KPNA3: variants seen among roughly 807,000 people sequenced by gnomAD.
KPNA3 encodes importin subunit alpha-4.
In KPNA3, 13 loss-of-function variants were observed where a neutral mutation model predicts 73.8. The observed-to-expected ratio is 0.18, with a 90% CI of 0.11 to 0.28. KPNA3 has a LOEUF of 0.28. Among genes scored for constraint, KPNA3 ranks in the 10% least tolerant of loss-of-function variants. The pLI, the probability that KPNA3 is intolerant of heterozygous loss-of-function variation, is 1.00. For synonymous variants in KPNA3, 186 were observed against 206.9 expected, an observed-to-expected ratio of 0.90 and a Z score of 0.87; for missense variants, 360 against 618.1, an observed-to-expected ratio of 0.58 and a Z score of 4.43.
chr13:49,732,174 C>T (rs1325806113), intron 6 of KPNA3, among the ~76,000 whole-genome samples, 197 bp downstream of exon 6: 2 of 152,078 alleles, frequency 1.3e-5, no homozygotes, highest in Admixed American at 6.5e-5. Flanking sequence ...AGAAAACATA[C>T]ACATCCTTCA....
At chr13:49,742,674 T>C (rs1293327841) in intron 2 of KPNA3, among the ~76,000 whole-genome samples, 1 of 152,138 alleles carries the variant, frequency 6.6e-6, no homozygotes, top group Non-Finnish European at 1.5e-5. Context: ...GAGATTGCAC[T>C]GAATCTGTAC....
At chr13:49,741,672 T>G (rs1566347007) in intron 2 of KPNA3, among the ~76,000 whole-genome samples, 1 of 152,208 alleles carries the variant, frequency 6.6e-6, no homozygotes, top group African/African-American at 2.4e-5. Flanking sequence ...CCCAGGATGG[T>G]CTTGATTTCC....
At chr13:49,759,377 T>C (rs753814823) in intron 1 of KPNA3, among the ~76,000 whole-genome samples, 1 of 152,206 alleles carries the variant, frequency 6.6e-6, no homozygotes, top group Non-Finnish European at 1.5e-5. Flanking sequence ...CAGGGACTAG[T>C]TTCACAGAAG....
At chr13:49,765,144 T>C (rs1483990215) in intron 1 of KPNA3, among the ~76,000 whole-genome samples, 1 of 152,184 alleles carries the variant, frequency 6.6e-6, no homozygotes, top group African/African-American at 2.4e-5. Flanking sequence ...ATGGCTTCAA[T>C]TATCAATTAA....
intron 1 of KPNA3, among the ~76,000 whole-genome samples, chr13:49,774,622 C>A (rs1298573630): frequency 6.6e-6 from 1 of 152,032 alleles, no homozygotes; most frequent in African/African-American, 2.4e-5. Flanking sequence ...TACTATGTTA[C>A]CAAAACAAAA....
intron 1 of KPNA3, among the ~76,000 whole-genome samples, chr13:49,779,081 C>A (rs1353063624): frequency 6.7e-6 from 1 of 150,078 alleles, no homozygotes; most frequent in African/African-American, 2.5e-5. Flanking sequence ...TAAATTCCAA[C>A]GTTCCTGCTA....
intron 10 of KPNA3, among the ~76,000 whole-genome samples, chr13:49,719,278 T>C (rs562575482): frequency 6.6e-6 from 1 of 152,168 alleles, no homozygotes; most frequent in African/African-American, 2.4e-5. Context: ...AAAGGCAGCA[T>C]GGTTTTGTGA....
chr13:49,767,015 ATAATTT>A (rs1954813780), intron 1 of KPNA3, among the ~76,000 whole-genome samples: 2 of 50,394 alleles, frequency 4.0e-5, no homozygotes, highest in African/African-American at 1.6e-4. Flanking sequence ...TTTTTTTTTT[ATAATTT>A]TAAGTTCTGA....
Position 49,701,655 on chromosome 13 carries a change from G to A in KPNA3, c.*145C>T. 1 of 768,020 alleles carries A rather than the reference G, an allele frequency of 1.3e-6. No homozygotes were observed. Among genetic ancestry groups the A allele is most frequent in the South Asian group, 1.4e-5 (1 of 72,864 alleles). The allele number at this position is 768,020 out of a possible 1,614,324, so 47.6% of individuals were successfully genotyped here. On this transcript the variant is annotated 3_prime_UTR_variant, in exon 17 of 17. Coordinates refer to ENST00000261667, the MANE Select transcript of KPNA3 (RefSeq NM_002267.4). ...TAGTGACTTTTGGCAACTGCAAAGT[G>A]ACTGAGACATGGCTTGCTTTAGAAG...
intron 1 of KPNA3, among the ~76,000 whole-genome samples, chr13:49,747,794 T>C (rs560918948): frequency 1.3e-5 from 2 of 152,356 alleles, no homozygotes; most frequent in East Asian, 3.9e-4. Flanking sequence ...ATTTACTGGA[T>C]ATCTGTTGGT....
chr13:49,706,890 A>T (rs1333632696), intron 12 of KPNA3, among the ~76,000 whole-genome samples: 1 of 151,994 alleles, frequency 6.6e-6, no homozygotes, highest in East Asian at 1.9e-4. Context: ...CTGGGACTAC[A>T]GGCACCTGTC....
intron 1 of KPNA3, among the ~76,000 whole-genome samples, chr13:49,789,227 C>T (rs1475330637): frequency 1.3e-5 from 2 of 152,202 alleles, no homozygotes. Flanking sequence ...ACACAGGCCA[C>T]CTGGAAGTCT....
At chr13:49,711,647 G>C (rs1450654788) in intron 10 of KPNA3, among the ~76,000 whole-genome samples, 2 of 152,110 alleles carry the variant, frequency 1.3e-5, no homozygotes, top group African/African-American at 4.8e-5. Context: ...AAGAAAACAG[G>C]CTTAGCGATC....
chr13:49,773,257 G>T (rs1594460141), intron 1 of KPNA3, among the ~76,000 whole-genome samples: 1 of 152,276 alleles, frequency 6.6e-6, no homozygotes, highest in African/African-American at 2.4e-5. Context: ...CTTTTGGGAA[G>T]ACAGAAATAT....
intron 9 of KPNA3, among the ~76,000 whole-genome samples, chr13:49,721,088 G>A (rs776298346): frequency 5.9e-5 from 9 of 151,816 alleles, no homozygotes; most frequent in East Asian, 2.0e-4. Flanking sequence ...GTGTGGTGGC[G>A]CTGGCCTGTA....
At chr13:49,729,213 G>C (rs1235974330) in intron 6 of KPNA3, among the ~76,000 whole-genome samples, 1 of 152,004 alleles carries the variant, frequency 6.6e-6, no homozygotes, top group African/African-American at 2.4e-5. Flanking sequence ...AATTCTAGCA[G>C]AAGGCAGGAA....
At chr13:49,740,704 G>A (rs1414014009) in intron 2 of KPNA3, among the ~76,000 whole-genome samples, 1 of 152,128 alleles carries the variant, frequency 6.6e-6, no homozygotes, top group African/African-American at 2.4e-5. Flanking sequence ...TCAGCAACGT[G>A]AAAACTGACC....
At chr13:49,767,712 A>G (rs913024923) in intron 1 of KPNA3, among the ~76,000 whole-genome samples, 5 of 152,168 alleles carry the variant, frequency 3.3e-5, no homozygotes, top group African/African-American at 1.2e-4. Flanking sequence ...TGAACCTATT[A>G]CTTAACCTCT....
intron 1 of KPNA3, among the ~76,000 whole-genome samples, chr13:49,760,956 TC>T (rs1954753570): frequency 1.3e-5 from 2 of 152,100 alleles, no homozygotes; most frequent in Admixed American, 6.6e-5. Flanking sequence ...TGCTGCCCTT[TC>T]CCCCCATGAT....
Sources: allele counts gnomAD v4.1 joint callset (sites outside exome capture counted in the v4.1 genomes callset), GRCh38; gene constraint gnomAD v4.1.1; transcripts MANE v1.5; gene names NCBI Gene and HGNC (gene_info 2026-07-23, HGNC 2026-07-21).